MLXIPL: variants seen among roughly 807,000 people sequenced by gnomAD.
MLXIPL encodes the protein carbohydrate-responsive element-binding protein.
Under a neutral mutation model 81.5 loss-of-function variants are expected in MLXIPL, and 49 were observed. The observed-to-expected ratio is 0.60, with a 90% confidence interval of 0.48 to 0.76. The LOEUF (loss-of-function observed/expected upper bound fraction) is 0.76. MLXIPL is among the 30% of genes least tolerant of loss of function. MLXIPL has a pLI of 0.00. For missense variants in MLXIPL, 1,053 were observed against 1,167.0 expected (o/e 0.90, Z 1.42); for synonymous variants, 466 against 485.5 (o/e 0.96, Z 0.53).
intron 4 of MLXIPL, 73 bp downstream of exon 4, chr7:73,607,258 T>C: frequency 6.9e-7 from 1 of 1,457,954 alleles, no homozygotes; most frequent in East Asian, 2.5e-5. Flanking sequence ...TTTCCAGGGA[T>C]CTTCCGAGGC....
chr7:73,594,057 G>A, intron 16 of MLXIPL, 74 bp from the exon 17 acceptor site: 1 of 1,429,918 alleles, frequency 7.0e-7, no homozygotes, highest in Non-Finnish European at 9.8e-7. Context: ...TGGAACCAAA[G>A]GGATAGGGGG....
chr7:73,634,805 TTTATTA>T, the MLXIPL span, among the ~76,000 whole-genome samples: 3 of 146,992 alleles, frequency 2.0e-5, no homozygotes, highest in African/African-American at 7.5e-5. Context: ...TCTATATGTA[TTTATTA>T]TTATTATTAT....
At chr7:73,601,931 C>T (rs1794859106) in intron 7 of MLXIPL, among the ~76,000 whole-genome samples, 1 of 152,128 alleles carries the variant, frequency 6.6e-6, no homozygotes, top group Non-Finnish European at 1.5e-5. Context: ...CACGCAGCCT[C>T]TGCCTACCCT....
At position 73,596,730 on chromosome 7, in the gene MLXIPL, C is replaced by T. The variant is rs41271232; in HGVS notation, c.1731G>A (p.Pro577=). The change falls in exon 11 of 17, where the codon CCG becomes CCA. Residue 577 remains proline (P), a synonymous_variant. Coordinates refer to ENST00000313375, the MANE Select transcript of MLXIPL (RefSeq NM_032951.3). The surrounding 1 kb of genome is among the most constrained non-coding windows in gnomAD (Gnocchi z 4.7). ...TFLPPTPAPT[P]PRPPPGPATL... Reference sequence around the variant, plus strand: ...TGGCCGGGCCTGGAGGTGGCCGGGGCGGTGTAGGGGCCGGGGTCGGGGGAA... The same window carrying T: ...TGGCCGGGCCTGGAGGTGGCCGGGGTGGTGTAGGGGCCGGGGTCGGGGGAA... 125,085 of 1,590,960 alleles carry T rather than the reference C, an allele frequency of 0.079. 5,443 individuals are homozygous for T. The highest frequency in any genetic ancestry group is 0.1 in the Middle Eastern group (617 of 5,932).
At chr7:73,634,405 T>G in the MLXIPL span, among the ~76,000 whole-genome samples, 1 of 151,968 alleles carries the variant, frequency 6.6e-6, no homozygotes, top group East Asian at 1.9e-4. Flanking sequence ...AAGGAAAATT[T>G]TTTTGAGACA....
At position 73,623,168 on chromosome 7, in the gene MLXIPL, C is replaced by T. The variant is rs565108815; in HGVS notation, c.293+1032G>A. Among the ~76,000 whole-genome samples the T allele has an allele frequency of 1.3e-5, 2 of 152,346 alleles. No homozygotes were observed. Among genetic ancestry groups the T allele is most frequent in the South Asian group, 4.1e-4 (2 of 4,828 alleles). On this transcript the variant is annotated intron_variant, in intron 1 of 16. Transcript: ENST00000313375. This position sits in a 1 kb window ranked among gnomAD's most constrained non-coding sequence, Gnocchi z 5.7. ...GCGGTTGGGGGCAGGCAACACTCCC[C>T]TCACAGTCCCCACCCCAGCTCCTGC... is the stretch of plus-strand genomic sequence containing the variant.
chr7:73,647,016 A>G, the MLXIPL span, among the ~76,000 whole-genome samples: 1 of 152,166 alleles, frequency 6.6e-6, no homozygotes, highest in Non-Finnish European at 1.5e-5. Flanking sequence ...CGAGTGGCCC[A>G]GGAACAGTAA....
intron 2 of MLXIPL, among the ~76,000 whole-genome samples, chr7:73,615,067 T>C (rs1554600510): frequency 6.6e-6 from 1 of 152,056 alleles, no homozygotes; most frequent in East Asian, 1.9e-4. Context: ...GCCTTGGCCT[T>C]CCAAAGTGCT....
At chr7:73,637,731 T>A in the MLXIPL span, among the ~76,000 whole-genome samples, 2 of 152,180 alleles carry the variant, frequency 1.3e-5, no homozygotes, top group African/African-American at 2.4e-5. Context: ...AGCAACTTCC[T>A]GTGAGCTCAT....
intron 5 of MLXIPL, 106 bp from the exon 6 acceptor site, chr7:73,606,217 T>C (rs1399467902): frequency 8.6e-7 from 1 of 1,163,530 alleles, no homozygotes; most frequent in African/African-American, 1.5e-5. Context: ...AGGGTCTGTC[T>C]GTTCACACCT....
chr7:73,595,675 C>T lies in MLXIPL; in HGVS notation c.2272G>A (p.Val758Ile), dbSNP rs72649012. The change falls in exon 15 of 17, where the codon GTC becomes ATC. Residue 758 changes from valine to isoleucine, a missense_variant. Physicochemically the swap from Val to Ile is conservative, Grantham distance 29. Coordinates refer to ENST00000313375, the MANE Select transcript of MLXIPL (RefSeq NM_032951.3). The stretch of plus-strand genomic sequence containing the variant: ...CAGTTGTGCAGCGTACGGGTTCGGA[C>T]GTAGTCATCAAACATGTCTCGCATC... ...DQMRDMFDDY[V>I]RTRTLHNWKF... The T allele has an allele frequency of 6.3e-4, 1,021 of 1,614,174 alleles. 9 individuals are homozygous for T. The highest frequency in any genetic ancestry group is 6.4e-5 in the Non-Finnish European group (75 of 1,180,014).
chr7:73,600,015 CT>C (rs1265396726), intron 7 of MLXIPL, among the ~76,000 whole-genome samples: 5 of 152,042 alleles, frequency 3.3e-5, no homozygotes, highest in Admixed American at 6.5e-5. Flanking sequence ...TCCCCACCCC[CT>C]GGTGGCTCCC....
At chr7:73,597,871 G>A (rs1046309244) in intron 8 of MLXIPL, among the ~76,000 whole-genome samples, 158 bp from the exon 9 acceptor site, 3 of 152,134 alleles carry the variant, frequency 2.0e-5, no homozygotes, top group Non-Finnish European at 4.4e-5. Flanking sequence ...ACACACACAG[G>A]TGTGCGAACA....
intron 8 of MLXIPL, 26 bp from the exon 9 acceptor site, chr7:73,597,739 CAG>C (rs1204724908): frequency 2.2e-6 from 3 of 1,335,390 alleles, no homozygotes; most frequent in Non-Finnish European, 2.9e-6. Flanking sequence ...GACAGACACT[CAG>C]AGAGCAGGGG....
At chr7:73,598,389 A>G (rs535138022) in intron 8 of MLXIPL, among the ~76,000 whole-genome samples, 1 of 152,100 alleles carries the variant, frequency 6.6e-6, no homozygotes, top group African/African-American at 2.4e-5. Flanking sequence ...TCCATCCACC[A>G]TCTATACATT....
At chr7:73,626,244 A>T (rs1445320426), upstream of MLXIPL, among the ~76,000 whole-genome samples, 1 of 151,604 alleles carries the variant, frequency 6.6e-6, no homozygotes, top group Admixed American at 6.6e-5. Flanking sequence ...CCTTAAAGCG[A>T]TTTGCCCACC....
chr7:73,638,315 A>AT, the MLXIPL span, among the ~76,000 whole-genome samples: 1 of 152,016 alleles, frequency 6.6e-6, no homozygotes, highest in Non-Finnish European at 1.5e-5. Context: ...TATTTATTTT[A>AT]TTTTTTGGGG....
chr7:73,598,586 T>C (rs1554595100), intron 8 of MLXIPL, among the ~76,000 whole-genome samples: 1 of 152,224 alleles, frequency 6.6e-6, no homozygotes, highest in African/African-American at 2.4e-5. Flanking sequence ...ATCTGCACAC[T>C]TGCTCATTCA....
At chr7:73,636,629 T>C in the MLXIPL span, among the ~76,000 whole-genome samples, 1 of 152,114 alleles carries the variant, frequency 6.6e-6, no homozygotes, top group Admixed American at 6.6e-5. Context: ...CATGCTAGGC[T>C]TGGCTCCAGT....
Sources: allele counts gnomAD v4.1 joint callset (sites outside exome capture counted in the v4.1 genomes callset), GRCh38; gene constraint gnomAD v4.1.1; non-coding constraint Gnocchi (gnomAD v3.1); transcripts MANE v1.5; gene names NCBI Gene and HGNC (gene_info 2026-07-23, HGNC 2026-07-21).